Variants in MIIP observed in about 807,000 individuals in gnomAD.
MIIP encodes migration and invasion inhibitory protein.
A neutral mutation model predicts 44.8 loss-of-function variants in MIIP; 44 were observed. That is an observed-to-expected ratio of 0.98 (90% CI 0.77 to 1.26). The LOEUF (loss-of-function observed/expected upper bound fraction) is 1.26. Among genes scored for constraint, MIIP ranks in the 50% most tolerant of loss-of-function variants. The pLI, the probability that MIIP is intolerant of heterozygous loss-of-function variation, is 0.00. For missense variants in MIIP, 496 were observed against 511.7 expected, an observed-to-expected ratio of 0.97 and a Z score of 0.30; for synonymous variants, 225 against 218.3, an observed-to-expected ratio of 1.03 and a Z score of -0.27.
intron 6 of MIIP, 142 bp from the exon 7 acceptor site, chr1:12,029,623 A>C: frequency 2.5e-6 from 3 of 1,178,780 alleles, no homozygotes; most frequent in Non-Finnish European, 3.6e-6. Flanking sequence ...TCTGGGAGGA[A>C]AGGGGTTAGG....
chr1:12,025,028 C>CTTTTTTTTTTTTT (rs147513513), intron 4 of MIIP, among the ~76,000 whole-genome samples: 55 of 123,770 alleles, frequency 4.4e-4, no homozygotes, highest in African/African-American at 7.0e-4. Flanking sequence ...AATTCCCTTC[C>CTTTTTTTTTTTTT]TTTTTTTTTT....
chr1:12,028,230 T>A (rs545246065), intron 4 of MIIP, among the ~76,000 whole-genome samples: 40 of 152,180 alleles, frequency 2.6e-4, no homozygotes, highest in South Asian at 1.4e-3. Flanking sequence ...AGAAACATCC[T>A]AAGTCGAATC....
chr1:12,021,583 T>C (rs1639976539), intron 1 of MIIP, 62 bp from the exon 2 acceptor site: 1 of 666,108 alleles, frequency 1.5e-6, no homozygotes, highest in South Asian at 1.7e-5. Flanking sequence ...GAGTGTCGAA[T>C]GGGGGTCTCT....
chr1:12,031,680 C>T lies in MIIP; in HGVS notation c.1081-42C>T, dbSNP rs773087792. The T allele has an allele frequency of 2.5e-6, 4 of 1,613,840 alleles. No homozygotes were observed. The African/African-American group carries it at 5.3e-5, about 22-fold the overall frequency. On this transcript the variant is annotated intron_variant, in intron 9 of 9. Transcript: ENST00000235332. ...GGCTGGAACTGGGGATGACCTGTCC[C>T]TTTCAAGTGGCCCCCCTGAGACTTC...
chr1:12,031,836 T>C lies in MIIP; in HGVS notation c.*28T>C. The stretch of plus-strand genomic sequence containing the variant: ...ACTGACTCCTGGGGGAGAACAGCAT[T>C]CCCGCCGCCTCCAGCCTCTCCCCTC... On this transcript the variant is annotated 3_prime_UTR_variant, in exon 10 of 10. Coordinates refer to ENST00000235332, the MANE Select transcript of MIIP (RefSeq NM_021933.4). 6.3e-7 allele frequency: 1 copy of C among 1,598,798 alleles called. No individual in the cohort carries two copies. Among genetic ancestry groups the C allele is most frequent in the East Asian group, 2.2e-5 (1 of 44,730 alleles).
intron 1 of MIIP, among the ~76,000 whole-genome samples, chr1:12,020,845 G>A (rs894933340): frequency 6.6e-6 from 1 of 152,154 alleles, no homozygotes; most frequent in East Asian, 1.9e-4. Context: ...CACCACGCCC[G>A]GCTAATTTTT....
chr1:12,021,477 C>A (rs1218757746), intron 1 of MIIP, among the ~76,000 whole-genome samples, 168 bp from the exon 2 acceptor site: 1 of 152,008 alleles, frequency 6.6e-6, no homozygotes, highest in East Asian at 1.9e-4. Context: ...TTAATTCTAA[C>A]AACAATCGTA....
rs117467328 is a variant in MIIP at position 12,024,707 on chromosome 1, A to G, written c.547+1790A>G. 2.3e-3 allele frequency among the ~76,000 whole-genome samples: 347 copies of G among 152,278 alleles called. 7 individuals are homozygous for G. In the East Asian group the frequency reaches 0.041, roughly 18 times the overall value. On this transcript the variant is annotated intron_variant, in intron 4 of 9. Transcript: ENST00000235332. ...ATTACAGGCGTGAGCCACTGCTCCCAGCCACATGTAGCGTTTTTTAAGTGG... is the reference window on the plus strand; with the variant it reads ...ATTACAGGCGTGAGCCACTGCTCCCGGCCACATGTAGCGTTTTTTAAGTGG...
intron 4 of MIIP, among the ~76,000 whole-genome samples, chr1:12,025,028 C>CTTTTTTTTTTTTTTTTTTTTTTTTTTT (rs147513513): frequency 6.8e-4 from 84 of 123,868 alleles, no homozygotes; most frequent in Admixed American, 7.9e-4. Context: ...AATTCCCTTC[C>CTTTTTTTTTTTTTTTTTTTTTTTTTTT]TTTTTTTTTT....
chr1:12,028,378 C>T (rs1463536870), intron 4 of MIIP, among the ~76,000 whole-genome samples: 1 of 152,158 alleles, frequency 6.6e-6, no homozygotes, highest in African/African-American at 2.4e-5. Context: ...TCCCATTCCC[C>T]AGACCCTCCC....
chr1:12,030,186 C>G, intron 8 of MIIP, 62 bp downstream of exon 8: 1 of 1,511,928 alleles, frequency 6.6e-7, no homozygotes, highest in Non-Finnish European at 9.2e-7. Flanking sequence ...TGGCCCAGAT[C>G]CCCAGGGAGG....
intron 4 of MIIP, chr1:12,024,043 G>T (rs1473893129): frequency 6.6e-6 from 1 of 152,168 alleles, no homozygotes; most frequent in East Asian, 1.9e-4. Context: ...TGAGAAGAAG[G>T]GGGAAAGAGT....
At chr1:12,023,595 A>G (rs1037799455) in intron 4 of MIIP, among the ~76,000 whole-genome samples, 214 of 149,556 alleles carry the variant, frequency 1.4e-3, no homozygotes, top group African/African-American at 4.9e-3. Flanking sequence ...TGTTTTTTTT[A>G]GTAGAGACGG....
chr1:12,028,721 G>A, intron 4 of MIIP: 1 of 356,962 alleles, frequency 2.8e-6, no homozygotes, highest in Admixed American at 4.0e-5. Flanking sequence ...ACCTTACAGT[G>A]TAAGCCTCAT....
Position 12,022,385 on chromosome 1 carries a change from A to T in MIIP, c.405A>T (p.Gly135=), listed in dbSNP as rs761849782. The T allele has an allele frequency of 6.2e-7, 1 of 1,609,314 alleles. No individual in the cohort carries two copies. The highest frequency in any genetic ancestry group is 1.1e-5 in the South Asian group (1 of 90,788). The change falls in exon 3 of 10, where the codon GGA becomes GGT. Residue 135 remains glycine (G), a synonymous_variant. Transcript: ENST00000235332. The stretch of plus-strand genomic sequence containing the variant: ...CCTCAGGGAGGCTGGGTGATCCAGG[A>T]CCCCAGGAGGCACAGACCCCGAGGT... The part of the protein sequence containing the change: ...PEPSGRLGDP[G]PQEAQTPRSI...
In MIIP at chr1:12,031,892, T is replaced by A; in HGVS notation, c.*84T>A. The A allele has an allele frequency of 7.3e-7, 1 of 1,373,974 alleles. No individual in the cohort carries two copies. The highest frequency in any genetic ancestry group is 1.0e-6 in the Non-Finnish European group (1 of 983,160). The allele number at this position is 1,373,974 out of a possible 1,614,324, so 85.1% of individuals were successfully genotyped here. ...GGCGCACCCAGGAGATGGAATCCCC[T>A]GCCCGCCCAGCTCAGGCCCAGCTGT... On this transcript the variant is annotated 3_prime_UTR_variant, in exon 10 of 10. Transcript: ENST00000235332.
intron 8 of MIIP, 111 bp from the exon 9 acceptor site, chr1:12,031,154 TG>T: frequency 7.5e-7 from 1 of 1,335,996 alleles, no homozygotes; most frequent in Non-Finnish European, 1.0e-6. Flanking sequence ...GGCCCTGCCT[TG>T]GTGGGGGCCT....
At position 12,029,813 on chromosome 1, in the gene MIIP, A is replaced by C. The variant is rs754256847; in HGVS notation, c.764A>C (p.Asp255Ala). ...CGGCGCCTGTTCCCGGTGCCTGTGGATCCCGGTACCCCCTGCCGCCTGTGC... is the reference window on the plus strand; with the variant it reads ...CGGCGCCTGTTCCCGGTGCCTGTGGCTCCCGGTACCCCCTGCCGCCTGTGC... ...VNRRLFPVPVDPGTPCRLCRT... is the reference protein window; with the variant it reads ...VNRRLFPVPVAPGTPCRLCRT... Residue 255 changes from aspartate (D) to alanine (A), a missense_variant, in exon 7 of 10, where the codon GAT (aspartate) becomes GCT (alanine). Asp to Ala is a moderately radical substitution (Grantham distance 126, BLOSUM62 -2). Transcript: ENST00000235332. The C allele has an allele frequency of 6.2e-7, 1 of 1,613,242 alleles. No individual in the cohort carries two copies. Among genetic ancestry groups the C allele is most frequent in the Non-Finnish European group, 8.5e-7 (1 of 1,179,592 alleles).
rs370324657 is a variant in MIIP at position 12,022,246 on chromosome 1, G to A, written c.266G>A (p.Arg89Lys). 42 of 1,613,288 alleles carry A rather than the reference G, an allele frequency of 2.6e-5. No homozygotes were observed. The highest frequency in any genetic ancestry group is 3.4e-5 in the Non-Finnish European group (40 of 1,179,770). Residue 89 changes from arginine (R) to lysine (K), a missense_variant, in exon 3 of 10, where the codon AGA (arginine) becomes AAA (lysine). By Grantham distance (26) the Arg-to-Lys change is conservative. Coordinates refer to ENST00000235332, the MANE Select transcript of MIIP (RefSeq NM_021933.4). Reference protein sequence around the residue: ...ACRGDLRDVARSGVASLPPAK... With the variant: ...ACRGDLRDVAKSGVASLPPAK... ...CGAGGGGACCTCCGTGATGTGGCCA[G>A]ATCGGGGGTGGCCTCTCTCCCACCT...
Sources: gnomAD v4.1 joint callset for allele counts (sites outside exome capture counted in the v4.1 genomes callset) on GRCh38, gnomAD v4.1.1 for gene constraint, MANE v1.5 for transcripts, NCBI Gene and HGNC (gene_info 2026-07-23, HGNC 2026-07-21) for gene names.